The following DIAPH2 variants were observed in gnomAD, a reference collection of about 807,000 sequenced individuals.
DIAPH2 encodes protein diaphanous homolog 2.
DIAPH2 carries 35 observed loss-of-function variants against 92.7 expected under a neutral mutation model. The ratio of observed to expected loss-of-function variants is 0.38; its 90% confidence interval spans 0.29 to 0.50. DIAPH2 has a LOEUF of 0.50. Ranked by LOEUF, DIAPH2 falls within the 20% of genes least tolerant of loss-of-function variation. The pLI, the probability that DIAPH2 is intolerant of heterozygous loss-of-function variation, is 0.94. For synonymous variants in DIAPH2, 301 were observed against 280.4 expected, an observed-to-expected ratio of 1.07 and a Z score of -0.73; for missense variants, 701 against 819.5, an observed-to-expected ratio of 0.86 and a Z score of 1.77.
chrX:97,577,879 T>C (rs757927330), intron 26 of DIAPH2, among the ~76,000 whole-genome samples: 2 of 111,988 alleles, frequency 1.8e-5, no homozygotes, highest in Admixed American at 1.9e-4. Context: ...CTACATCCTT[T>C]AGTGTGAATC....
chrX:97,466,823 G>A (rs751998863), intron 26 of DIAPH2, among the ~76,000 whole-genome samples: 49 of 112,171 alleles, frequency 4.4e-4, no homozygotes, highest in Non-Finnish European at 7.9e-4. Context: ...TTTTATGTTG[G>A]CATTTAGAGT....
At chrX:96,856,987 C>A (rs1001754488) in intron 4 of DIAPH2, among the ~76,000 whole-genome samples, 1 of 109,211 alleles carries the variant, frequency 9.2e-6, no homozygotes, top group Admixed American at 9.9e-5. Context: ...TGCAGTGAGC[C>A]GAGATCGATC....
At chrX:97,465,273 C>A (rs5921832) in intron 26 of DIAPH2, among the ~76,000 whole-genome samples, 6,200 of 106,889 alleles carry the variant, frequency 0.058, 167 homozygotes, top group African/African-American at 0.11. Flanking sequence ...TAGAATTCAC[C>A]CACACACACA....
intron 15 of DIAPH2, among the ~76,000 whole-genome samples, chrX:96,954,771 A>C (rs2065799599): frequency 1.8e-5 from 2 of 112,448 alleles, no homozygotes; most frequent in Non-Finnish European, 3.7e-5. Flanking sequence ...AAGAAATAAT[A>C]AATGTAAAAA....
chrX:97,265,378 G>C (rs1446474168), intron 23 of DIAPH2, among the ~76,000 whole-genome samples: 1 of 111,841 alleles, frequency 8.9e-6, no homozygotes, highest in African/African-American at 3.2e-5. Flanking sequence ...AGAGAGTAAT[G>C]AAACGGATGA....
At chrX:97,568,399 TAGAA>T (rs1344941461) in intron 26 of DIAPH2, among the ~76,000 whole-genome samples, 6 of 110,584 alleles carry the variant, frequency 5.4e-5, no homozygotes, top group Non-Finnish European at 1.1e-4. Context: ...AATAACAAAA[TAGAA>T]GGAGTGTAAA....
At chrX:97,586,389 T>TTAATTTTAGAGTGA (rs1185733489) in intron 26 of DIAPH2, among the ~76,000 whole-genome samples, 12 of 111,625 alleles carry the variant, frequency 1.1e-4, no homozygotes, top group African/African-American at 3.6e-4. Flanking sequence ...CTCCTTTTCT[T>TTAATTTTAGAGTGA]TCCTACATGT....
intron 9 of DIAPH2, among the ~76,000 whole-genome samples, chrX:96,919,230 A>G (rs1051918522): frequency 9.8e-5 from 11 of 112,489 alleles, no homozygotes; most frequent in Non-Finnish European, 1.5e-4. Flanking sequence ...AACTTATGGT[A>G]TGAAGTCCTG....
chrX:97,477,351 G>T (rs1408382183), intron 26 of DIAPH2, among the ~76,000 whole-genome samples: 1 of 110,358 alleles, frequency 9.1e-6, no homozygotes, highest in East Asian at 2.8e-4. Context: ...TAGGCCGTGT[G>T]CTGTGGCTCA....
chrX:96,876,079 T>C (rs1335366063), intron 4 of DIAPH2, among the ~76,000 whole-genome samples: 4 of 110,350 alleles, frequency 3.6e-5, no homozygotes, highest in Admixed American at 2.9e-4. Context: ...AAAAAACAAC[T>C]CCATCAACAA....
At chrX:97,085,228 A>G (rs1273370127) in intron 19 of DIAPH2, among the ~76,000 whole-genome samples, 1 of 112,002 alleles carries the variant, frequency 8.9e-6, no homozygotes, top group Non-Finnish European at 1.9e-5. Context: ...AAAATTATCA[A>G]TATCTAATAT....
chrX:96,906,085 T>C (rs1189067008), intron 5 of DIAPH2, among the ~76,000 whole-genome samples: 2 of 112,309 alleles, frequency 1.8e-5, no homozygotes, highest in Non-Finnish European at 3.8e-5. Flanking sequence ...GCCGAGATGG[T>C]GCCACTGCAC....
chrX:96,808,649 G>A (rs2064648927), intron 4 of DIAPH2, among the ~76,000 whole-genome samples: 1 of 111,742 alleles, frequency 8.9e-6, no homozygotes, highest in South Asian at 3.7e-4. Context: ...TAGTGTAGTT[G>A]TTTTTCAACT....
chrX:97,529,733 A>G (rs1008739730), intron 26 of DIAPH2, among the ~76,000 whole-genome samples: 1 of 111,945 alleles, frequency 8.9e-6, no homozygotes, highest in Non-Finnish European at 1.9e-5. Flanking sequence ...AAACAGGAAA[A>G]CAGAAGTTAG....
chrX:97,157,127 C>T (rs1027057436), intron 22 of DIAPH2, among the ~76,000 whole-genome samples: 1 of 110,629 alleles, frequency 9.0e-6, no homozygotes, highest in African/African-American at 3.3e-5. Context: ...CCAGCCTGTC[C>T]AACATGGAGA....
intron 4 of DIAPH2, among the ~76,000 whole-genome samples, chrX:96,792,098 A>G (rs2064506155): frequency 8.9e-6 from 1 of 111,829 alleles, no homozygotes; most frequent in African/African-American, 3.2e-5. Flanking sequence ...TATTCTTCTG[A>G]GAGTTTCTAG....
intron 22 of DIAPH2, among the ~76,000 whole-genome samples, chrX:97,166,015 T>C (rs748965003): frequency 4.4e-4 from 49 of 110,975 alleles, no homozygotes; most frequent in Non-Finnish European, 8.1e-4. Context: ...TTAAGAGAGA[T>C]GTTAATACTG....
At chrX:97,574,115 TAAA>T (rs745486978) in intron 26 of DIAPH2, among the ~76,000 whole-genome samples, 6 of 111,818 alleles carry the variant, frequency 5.4e-5, no homozygotes, top group Non-Finnish European at 1.1e-4. Flanking sequence ...TTGACAAACC[TAAA>T]AAAATTAAAG....
intron 24 of DIAPH2, among the ~76,000 whole-genome samples, chrX:97,352,071 G>T (rs896714428): frequency 1.8e-5 from 2 of 110,726 alleles, no homozygotes; most frequent in African/African-American, 6.5e-5. Flanking sequence ...TTAGTGCTTT[G>T]TGTGTTTGGC....
Sources: gnomAD v4.1 joint callset for allele counts (sites outside exome capture counted in the v4.1 genomes callset) on GRCh38, gnomAD v4.1.1 for gene constraint, MANE v1.5 for transcripts, NCBI Gene and HGNC (gene_info 2026-07-23, HGNC 2026-07-21) for gene names.